Variants in FSTL1 observed in about 807,000 individuals in gnomAD.
The protein encoded by FSTL1 is follistatin-related protein 1.
FSTL1 carries 24 observed loss-of-function variants against 45.9 expected under a neutral mutation model. The ratio of observed to expected loss-of-function variants is 0.52; its 90% confidence interval spans 0.38 to 0.74. The LOEUF is 0.74. Ranked by LOEUF, FSTL1 falls within the 30% of genes least tolerant of loss-of-function variation. The pLI is 0.00. For missense variants in FSTL1, 340 were observed against 381.8 expected, an observed-to-expected ratio of 0.89 and a Z score of 0.91; for synonymous variants, 120 against 137.6, an observed-to-expected ratio of 0.87 and a Z score of 0.89.
At chr3:120,438,598 A>G (rs945469364) in intron 2 of FSTL1, 3 of 152,194 alleles carry the variant, frequency 2.0e-5, no homozygotes, top group Non-Finnish European at 2.9e-5. Flanking sequence ...AAATATCCCA[A>G]TTCCATTAAG....
At chr3:120,420,785 T>G (rs1937262574) in intron 2 of FSTL1, among the ~76,000 whole-genome samples, 1 of 152,206 alleles carries the variant, frequency 6.6e-6, no homozygotes. Flanking sequence ...AAAATAAAAC[T>G]GAGGCTCACA....
chr3:120,403,932 A>AAAAC (rs1553789471), intron 7 of FSTL1, among the ~76,000 whole-genome samples: 2 of 131,104 alleles, frequency 1.5e-5, no homozygotes, highest in African/African-American at 2.8e-5. Flanking sequence ...AAAAAAAAAA[A>AAAAC]AAAAAAAAAA....
intron 2 of FSTL1, among the ~76,000 whole-genome samples, chr3:120,441,724 C>A (rs1937630318): frequency 6.6e-6 from 1 of 152,232 alleles, no homozygotes; most frequent in South Asian, 2.1e-4. Context: ...CCTAGAGATG[C>A]CCTGAAGATG....
chr3:120,422,506 T>C (rs1390291530), intron 2 of FSTL1, among the ~76,000 whole-genome samples: 1 of 152,166 alleles, frequency 6.6e-6, no homozygotes, highest in Non-Finnish European at 1.5e-5. Flanking sequence ...TAAAGCTGCT[T>C]AAAAATAAAC....
intron 10 of FSTL1, 114 bp downstream of exon 10, chr3:120,399,769 C>T: frequency 1.5e-6 from 1 of 683,724 alleles, no homozygotes; most frequent in Non-Finnish European, 2.6e-6. Flanking sequence ...TCAAGATGTA[C>T]TGTATTGAGC....
chr3:120,397,021 C>A, intron 10 of FSTL1, 25 bp from the exon 11 acceptor site: 1 of 1,579,868 alleles, frequency 6.3e-7, no homozygotes, highest in South Asian at 1.1e-5. Flanking sequence ...AGAAAATAGG[C>A]GTCATGGAAA....
chr3:120,409,145 A>G (rs1025355482), intron 6 of FSTL1, among the ~76,000 whole-genome samples: 5 of 152,196 alleles, frequency 3.3e-5, no homozygotes, highest in African/African-American at 1.2e-4. Context: ...GAAATGTCAA[A>G]CTAGGCAGGA....
At chr3:120,412,074 G>A (rs1937068783) in intron 3 of FSTL1, 91 bp from the exon 4 acceptor site, 1 of 1,112,302 alleles carries the variant, frequency 9.0e-7, no homozygotes, top group African/African-American at 1.5e-5. Context: ...CACACACAGA[G>A]CCATTTTGTA....
intron 6 of FSTL1, among the ~76,000 whole-genome samples, chr3:120,405,235 G>A (rs1936925599): frequency 6.6e-6 from 1 of 152,180 alleles, no homozygotes; most frequent in Admixed American, 6.5e-5. Context: ...CATGCTGTGT[G>A]GCCCCATCTC....
intron 2 of FSTL1, among the ~76,000 whole-genome samples, chr3:120,432,637 T>G (rs1180195633): frequency 4.6e-5 from 7 of 152,222 alleles, no homozygotes; most frequent in African/African-American, 1.7e-4. Flanking sequence ...CTTCCAAGTA[T>G]CATGTAACAA....
At chr3:120,445,143 G>A (rs1040726623) in intron 2 of FSTL1, among the ~76,000 whole-genome samples, 5 of 149,632 alleles carry the variant, frequency 3.3e-5, no homozygotes, top group Non-Finnish European at 7.4e-5. Context: ...AAACAGTCAA[G>A]AAAGCTCCCC....
chr3:120,421,944 G>T (rs1003214678), intron 2 of FSTL1, among the ~76,000 whole-genome samples: 1 of 152,152 alleles, frequency 6.6e-6, no homozygotes, highest in African/African-American at 2.4e-5. Flanking sequence ...GCAAATAAAA[G>T]GTCTGAAATC....
At chr3:120,424,541 C>CA (rs2107662658) in intron 2 of FSTL1, among the ~76,000 whole-genome samples, 1 of 152,198 alleles carries the variant, frequency 6.6e-6, no homozygotes, top group African/African-American at 2.4e-5. Context: ...TTAAGAAAAA[C>CA]ATTTGAACAG....
At chr3:120,444,463 T>A (rs1937694389) in intron 2 of FSTL1, among the ~76,000 whole-genome samples, 1 of 149,692 alleles carries the variant, frequency 6.7e-6, no homozygotes, top group Non-Finnish European at 1.5e-5. Flanking sequence ...TGGTAATATG[T>A]ATGCCACGTC....
At chr3:120,408,591 C>G (rs1213063636) in intron 6 of FSTL1, among the ~76,000 whole-genome samples, 3 of 152,074 alleles carry the variant, frequency 2.0e-5, no homozygotes, top group African/African-American at 7.2e-5. Flanking sequence ...CTGGGTTGGG[C>G]CCTGGAAGCA....
intron 2 of FSTL1, among the ~76,000 whole-genome samples, chr3:120,444,461 T>C (rs78743344): frequency 0.035 from 5,314 of 149,690 alleles, 224 homozygotes; most frequent in Middle Eastern, 0.086. Flanking sequence ...AATGGTAATA[T>C]GTATGCCACG....
intron 7 of FSTL1, among the ~76,000 whole-genome samples, chr3:120,404,293 C>G (rs561640675): frequency 3.9e-5 from 6 of 152,044 alleles, no homozygotes; most frequent in Non-Finnish European, 5.9e-5. Flanking sequence ...CAATGCACTT[C>G]TTTTGAAAAA....
chr3:120,438,866 C>G (rs745365765), intron 2 of FSTL1, among the ~76,000 whole-genome samples: 1 of 152,214 alleles, frequency 6.6e-6, no homozygotes, highest in Non-Finnish European at 1.5e-5. Flanking sequence ...TCAGTCAGCA[C>G]TGCTGCTATC....
chr3:120,396,677 T>C lies in FSTL1; in HGVS notation c.*275A>G. 2 of 435,730 alleles carry C rather than the reference T, an allele frequency of 4.6e-6. No individual in the cohort carries two copies. The highest frequency in any genetic ancestry group is 8.2e-6 in the Non-Finnish European group (2 of 243,614). The allele number at this position is 435,730 out of a possible 1,614,324, so 27.0% of individuals were successfully genotyped here. A position where few individuals can be genotyped will look rare whatever the true frequency, so the allele number is the denominator to read the frequency against. On this transcript the variant is annotated 3_prime_UTR_variant, in exon 11 of 11. Transcript: ENST00000295633. ...AGGTTCAGATTTGGGTCTGTTCCTC[T>C]TTCAATCGTGATGCAGTTTCCTTAC...
Sources: gnomAD v4.1 joint callset for allele counts (sites outside exome capture counted in the v4.1 genomes callset) on GRCh38, gnomAD v4.1.1 for gene constraint, MANE v1.5 for transcripts, NCBI Gene and HGNC (gene_info 2026-07-23, HGNC 2026-07-21) for gene names.